SDCBP2: variants seen among roughly 807,000 people sequenced by gnomAD.
The protein encoded by SDCBP2 is syndecan binding protein 2, also known as syntenin-2.
Under a neutral mutation model 30.7 loss-of-function variants are expected in SDCBP2, and 28 were observed. The observed-to-expected ratio is 0.91, with a 90% CI of 0.68 to 1.25. The LOEUF is 1.25. Ranked by LOEUF, SDCBP2 falls within the 50% of genes most tolerant of loss-of-function variation. SDCBP2 has a pLI of 0.00. For synonymous variants in SDCBP2, 166 were observed against 157.3 expected, an observed-to-expected ratio of 1.06 and a Z score of -0.41; for missense variants, 399 against 379.0, an observed-to-expected ratio of 1.05 and a Z score of -0.44.
chr20:1,310,521 G>C, intron 8 of SDCBP2, 26 bp from the exon 9 acceptor site: 1 of 1,611,954 alleles, frequency 6.2e-7, no homozygotes, highest in Non-Finnish European at 8.5e-7. Flanking sequence ...ACAGTGACCA[G>C]GTTGGCAGCT....
chr20:1,326,132 G>A (rs990945303), intron 1 of SDCBP2, among the ~76,000 whole-genome samples: 3 of 152,254 alleles, frequency 2.0e-5, no homozygotes, highest in Non-Finnish European at 4.4e-5. Flanking sequence ...GGATGTTCAA[G>A]TGGGAAGAGA....
intron 4 of SDCBP2, chr20:1,317,853 A>AT (rs1473113814): frequency 3.1e-6 from 1 of 322,236 alleles, no homozygotes; most frequent in Admixed American, 4.6e-5. Context: ...CTACAGGTAA[A>AT]TATGTTTTCA....
intron 7 of SDCBP2, among the ~76,000 whole-genome samples, chr20:1,311,845 G>A (rs2088674677): frequency 6.6e-6 from 1 of 150,516 alleles, no homozygotes; most frequent in South Asian, 2.1e-4. Flanking sequence ...TAGCTATTAT[G>A]TATTAAGCAC....
In SDCBP2 at chr20:1,310,217, G is replaced by A. The variant is rs943234587; in HGVS notation, c.*224C>T. ...GCATTTAAATCAGCACAAGAGAATC[G>A]GCTGCCTGTGGGCCCTGCCTGAGCC... is the stretch of plus-strand genomic sequence containing the variant. On this transcript the variant is annotated 3_prime_UTR_variant, in exon 9 of 9. Transcript: ENST00000360779. 1.0e-5 allele frequency: 5 copies of A among 477,156 alleles called. No individual in the cohort carries two copies. The highest frequency in any genetic ancestry group is 3.5e-5 in the South Asian group (1 of 28,180). 29.6% of individuals were successfully genotyped at this position (477,156 alleles called of 1,614,324 possible). A position where few individuals can be genotyped will look rare whatever the true frequency, so the allele number is the denominator to read the frequency against.
chr20:1,319,865 C>T (rs1346316842), intron 2 of SDCBP2, among the ~76,000 whole-genome samples: 1 of 152,200 alleles, frequency 6.6e-6, no homozygotes, highest in Non-Finnish European at 1.5e-5. Context: ...TTCTGGGGGA[C>T]TGTGACCCAC....
At chr20:1,328,162 CAG>C (rs1211847235) in intron 1 of SDCBP2, among the ~76,000 whole-genome samples, 1 of 151,880 alleles carries the variant, frequency 6.6e-6, no homozygotes, top group Non-Finnish European at 1.5e-5. Flanking sequence ...GCCAGTTGTG[CAG>C]AGAGGGAGTA....
chr20:1,310,316 A>G lies in SDCBP2; in HGVS notation c.*125T>C, dbSNP rs898804300. On this transcript the variant is annotated 3_prime_UTR_variant, in exon 9 of 9. Transcript: ENST00000360779. ...CCATCCCATGGTCACCCTCCTGGACACGCCCCCCTCATGGCAGCCCCCACC... is the reference window on the plus strand; with the variant it reads ...CCATCCCATGGTCACCCTCCTGGACGCGCCCCCCTCATGGCAGCCCCCACC... The G allele has an allele frequency of 4.2e-6, 4 of 941,362 alleles. No individual in the cohort carries two copies. The highest frequency in any genetic ancestry group is 6.7e-6 in the Non-Finnish European group (4 of 600,744). 58.3% of individuals were successfully genotyped at this position (941,362 alleles called of 1,614,324 possible). A position where few individuals can be genotyped will look rare whatever the true frequency, so the allele number is the denominator to read the frequency against.
At position 1,310,663 on chromosome 20, in the gene SDCBP2, A is replaced by G. The variant is rs907507428; in HGVS notation, c.824+137T>C. 2.4e-5 allele frequency: 24 copies of G among 1,014,336 alleles called. No individual in the cohort carries two copies. In the African/African-American group the frequency reaches 3.8e-4, roughly 16 times the overall value. The allele number at this position is 1,014,336 out of a possible 1,614,324, so 62.8% of individuals were successfully genotyped here. A position where few individuals can be genotyped will look rare whatever the true frequency, so the allele number is the denominator to read the frequency against. ...TACCTTGGAGGGAGGGGAAGGGAGG[A>G]TAGAGCTGGCTGAGCCTGTGCCCTG... On this transcript the variant is annotated intron_variant, in intron 8 of 8. Transcript: ENST00000360779.
At position 1,313,675 on chromosome 20, in the gene SDCBP2, C is replaced by A. The variant is rs1200890003; in HGVS notation, c.226-177G>T. ...GAGGAGACGTGGCTCCACGCGGCCA[C>A]TAGGGGGCGTCAAAGTCCATGCCCT... On this transcript the variant is annotated intron_variant, in intron 4 of 8. Transcript: ENST00000360779. The surrounding 1 kb of genome is among the most constrained non-coding windows in gnomAD (Gnocchi z 5.2). 2 of 1,367,916 alleles carry A rather than the reference C, an allele frequency of 1.5e-6. No homozygotes were observed. The highest frequency in any genetic ancestry group is 6.9e-5 in the Admixed American group (2 of 28,826). The allele number at this position is 1,367,916 out of a possible 1,614,324, so 84.7% of individuals were successfully genotyped here.
chr20:1,323,738 T>C (rs2088879690), intron 1 of SDCBP2: 1 of 152,264 alleles, frequency 6.6e-6, no homozygotes, highest in South Asian at 2.1e-4. Context: ...TTCTGTATAC[T>C]TTAAATCATC....
intron 1 of SDCBP2, chr20:1,323,927 G>A (rs1410955943): frequency 1.3e-5 from 2 of 152,036 alleles, no homozygotes; most frequent in Admixed American, 1.3e-4. Flanking sequence ...CCCCTGCCTT[G>A]TAGCAGCTCA....
intron 4 of SDCBP2, 60 bp downstream of exon 4, chr20:1,318,258 C>G: frequency 8.6e-7 from 1 of 1,161,260 alleles, no homozygotes; most frequent in Non-Finnish European, 1.3e-6. Flanking sequence ...ATGGCAAGAC[C>G]AGGAAAAAGG....
rs1467382654 is a variant in SDCBP2, at chr20:1,312,635, A to T, written c.512T>A (p.Val171Glu). 5 of 1,613,856 alleles carry T rather than the reference A, an allele frequency of 3.1e-6. No homozygotes were observed. The highest frequency in any genetic ancestry group is 1.7e-5 in the Admixed American group (1 of 59,986). Reference sequence around the variant, plus strand: ...CTTATCGCCTGATGCCTTCTTCACCACCTGATGGGCTTTGTGCGAGCTCCA... The same window carrying T: ...CTTATCGCCTGATGCCTTCTTCACCTCCTGATGGGCTTTGTGCGAGCTCCA... ...AGWSSHKAHQVVKKASGDKIV... is the reference protein window; with the variant it reads ...AGWSSHKAHQEVKKASGDKIV... Residue 171 changes from valine to glutamate, a missense_variant, in exon 6 of 9, where the codon GTG becomes GAG. Physicochemically the swap from Val to Glu is moderately radical, Grantham distance 121. Coordinates refer to ENST00000360779, the MANE Select transcript of SDCBP2 (RefSeq NM_080489.5).
chr20:1,318,342 C>T lies in SDCBP2; in HGVS notation c.201G>A (p.Leu67=). Residue 67 remains leucine, a synonymous_variant, in exon 4 of 9, where the codon CTG becomes CTA. Transcript: ENST00000360779. ...CACTGTCACCCTCTGGAATCTGAAG[C>T]AGGCTCTCCTGGACTTCTTGGCTGG... ...SLSSQEVQES[L]LQIPEGDSTA... The T allele has an allele frequency of 6.2e-7, 1 of 1,613,716 alleles. No homozygotes were observed. Among genetic ancestry groups the T allele is most frequent in the Non-Finnish European group, 8.5e-7 (1 of 1,179,742 alleles).
Position 1,320,533 on chromosome 20 carries a change from T to C in SDCBP2, c.-19-98A>G. 3.3e-6 allele frequency: 3 copies of C among 911,788 alleles called. No individual in the cohort carries two copies. Among genetic ancestry groups the C allele is most frequent in the Non-Finnish European group, 5.1e-6 (3 of 583,250 alleles). 56.5% of individuals were successfully genotyped at this position (911,788 alleles called of 1,614,324 possible). A position where few individuals can be genotyped will look rare whatever the true frequency, so the allele number is the denominator to read the frequency against. ...CAACAGCAAGCGGGTTGGAACTTAATATTCAAACAGAAAGGCAGCAGGGCA... is the reference window on the plus strand; with the variant it reads ...CAACAGCAAGCGGGTTGGAACTTAACATTCAAACAGAAAGGCAGCAGGGCA... On this transcript the variant is annotated intron_variant, in intron 1 of 8. Coordinates refer to ENST00000360779, the MANE Select transcript of SDCBP2 (RefSeq NM_080489.5). The surrounding 1 kb of genome is among the most constrained non-coding windows in gnomAD (Gnocchi z 4.7).
chr20:1,317,695 T>C (rs1461671146), intron 4 of SDCBP2: 1 of 198,854 alleles, frequency 5.0e-6, no homozygotes, highest in East Asian at 1.2e-4. Context: ...ATCATATCCA[T>C]GAACTTCATG....
At chr20:1,310,686 C>G (rs1600272985) in intron 8 of SDCBP2, 114 bp downstream of exon 8, 1 of 1,072,758 alleles carries the variant, frequency 9.3e-7, no homozygotes, top group East Asian at 2.4e-5. Flanking sequence ...AGCCTGTGCC[C>G]TGTGTCAGCA....
chr20:1,320,616 G>A lies in SDCBP2; in HGVS notation c.-19-181C>T, dbSNP rs1011744488. On this transcript the variant is annotated intron_variant, in intron 1 of 8. Transcript: ENST00000360779. The surrounding 1 kb of genome is among the most constrained non-coding windows in gnomAD (Gnocchi z 4.7). ...CCCCTGTCGATATTTGAACTCTACT[G>A]TATTCCACTCATCTCCAGCCTCACT... The A allele has an allele frequency of 2.2e-5, 11 of 509,704 alleles. No homozygotes were observed. Among genetic ancestry groups the A allele is most frequent in the Non-Finnish European group, 3.9e-5 (11 of 284,244 alleles). The allele number at this position is 509,704 out of a possible 1,614,324, so 31.6% of individuals were successfully genotyped here. A position where few individuals can be genotyped will look rare whatever the true frequency, so the allele number is the denominator to read the frequency against.
At chr20:1,314,017 TA>T (rs2088730330) in intron 4 of SDCBP2, among the ~76,000 whole-genome samples, 1 of 151,752 alleles carries the variant, frequency 6.6e-6, no homozygotes, top group South Asian at 2.1e-4. Flanking sequence ...AGAGAAGAAA[TA>T]AAACGGTTCC....
Sources: gnomAD v4.1 joint callset for allele counts (sites outside exome capture counted in the v4.1 genomes callset) on GRCh38, gnomAD v4.1.1 for gene constraint, Gnocchi (gnomAD v3.1) non-coding constraint, MANE v1.5 for transcripts, NCBI Gene and HGNC (gene_info 2026-07-23, HGNC 2026-07-21) for gene names.